Variants in SH3KBP1 observed in about 807,000 individuals in gnomAD.
The protein encoded by SH3KBP1 is SH3 domain containing kinase binding protein 1.
In SH3KBP1, 8 loss-of-function variants were observed where a neutral mutation model predicts 50.1. The ratio of observed to expected loss-of-function variants is 0.16; its 90% CI spans 0.09 to 0.29. SH3KBP1 has a LOEUF of 0.29. Among genes scored for constraint, SH3KBP1 ranks in the 10% least tolerant of loss-of-function variants. The pLI is 1.00. For synonymous variants in SH3KBP1, 227 were observed against 218.6 expected (o/e 1.04, Z -0.34); for missense variants, 377 against 535.2 (o/e 0.70, Z 2.92).
At chrX:19,662,423 A>T (rs1365978562) in intron 6 of SH3KBP1, among the ~76,000 whole-genome samples, 1 of 112,264 alleles carries the variant, frequency 8.9e-6, no homozygotes, top group Non-Finnish European at 1.9e-5. Flanking sequence ...TTTTTCATAT[A>T]TGCTCAAGGA....
chrX:19,858,308 C>G (rs1278422119), intron 1 of SH3KBP1, among the ~76,000 whole-genome samples: 6 of 111,404 alleles, frequency 5.4e-5, no homozygotes, highest in African/African-American at 1.6e-4. Flanking sequence ...TCATATCGCC[C>G]AGACCGTGCT....
intron 3 of SH3KBP1, among the ~76,000 whole-genome samples, chrX:19,730,596 C>T (rs2064348095): frequency 8.9e-6 from 1 of 111,746 alleles, no homozygotes; most frequent in Non-Finnish European, 1.9e-5. Flanking sequence ...TTGTCACCTC[C>T]CTGCTCTAGT....
chrX:19,576,918 G>A (rs1234042079), intron 12 of SH3KBP1, among the ~76,000 whole-genome samples: 1 of 111,469 alleles, frequency 9.0e-6, no homozygotes, highest in Non-Finnish European at 1.9e-5. Flanking sequence ...CTCCAGGGCA[G>A]CCCACACCCC....
intron 6 of SH3KBP1, among the ~76,000 whole-genome samples, chrX:19,680,235 C>T (rs1469323588): frequency 9.1e-6 from 1 of 109,796 alleles, no homozygotes; most frequent in East Asian, 2.9e-4. Flanking sequence ...AAAAATTAAG[C>T]TGGGTGTGGT....
At chrX:19,856,590 A>G (rs1472697568) in intron 1 of SH3KBP1, among the ~76,000 whole-genome samples, 1 of 111,354 alleles carries the variant, frequency 9.0e-6, no homozygotes, top group African/African-American at 3.3e-5. Flanking sequence ...CCTCACACTC[A>G]GTTAAAGTTT....
At chrX:19,635,582 A>G (rs987702331) in intron 7 of SH3KBP1, among the ~76,000 whole-genome samples, 2 of 110,090 alleles carry the variant, frequency 1.8e-5, no homozygotes, top group East Asian at 2.8e-4. Flanking sequence ...CATTGGATGT[A>G]TCAGTGGCTT....
intron 3 of SH3KBP1, among the ~76,000 whole-genome samples, chrX:19,738,266 G>A (rs886247136): frequency 5.4e-5 from 6 of 110,912 alleles, no homozygotes; most frequent in African/African-American, 1.6e-4. Context: ...TTCTCTCCCC[G>A]CTTGTCTGCC....
At chrX:19,544,219 G>T (rs1041889467) in intron 15 of SH3KBP1, among the ~76,000 whole-genome samples, 1 of 111,250 alleles carries the variant, frequency 9.0e-6, no homozygotes, top group African/African-American at 3.3e-5. Flanking sequence ...GCTCTCTGCT[G>T]CCAGGAATAG....
chrX:19,839,131 A>G (rs1217548628), intron 1 of SH3KBP1, among the ~76,000 whole-genome samples: 1 of 109,295 alleles, frequency 9.1e-6, no homozygotes. Context: ...TTTTAAAACT[A>G]TGTACCTGAA....
chrX:19,737,352 G>A (rs985195462), intron 3 of SH3KBP1, among the ~76,000 whole-genome samples: 5 of 111,278 alleles, frequency 4.5e-5, no homozygotes, highest in Non-Finnish European at 7.5e-5. Flanking sequence ...ATGTTCGTTC[G>A]CCTGGGATGT....
intron 13 of SH3KBP1, among the ~76,000 whole-genome samples, chrX:19,556,492 A>T (rs1602459055): frequency 9.0e-6 from 1 of 111,072 alleles, no homozygotes; most frequent in Non-Finnish European, 1.9e-5. Flanking sequence ...TCAAATGAGC[A>T]CCTGTGTTAG....
chrX:19,818,051 T>G (rs2067413487), intron 2 of SH3KBP1, among the ~76,000 whole-genome samples: 1 of 112,323 alleles, frequency 8.9e-6, no homozygotes, highest in Non-Finnish European at 1.9e-5. Context: ...TGGCTAGGTG[T>G]GTAGTAGGCT....
intron 9 of SH3KBP1, among the ~76,000 whole-genome samples, chrX:19,607,339 G>A (rs1194522069): frequency 8.9e-6 from 1 of 112,583 alleles, no homozygotes; most frequent in Admixed American, 9.4e-5. Flanking sequence ...CGTCAGCAGG[G>A]AAAGAATACA....
intron 2 of SH3KBP1, among the ~76,000 whole-genome samples, chrX:19,828,520 G>A (rs984544625): frequency 1.2e-4 from 13 of 110,778 alleles, no homozygotes; most frequent in Middle Eastern, 4.7e-3. Flanking sequence ...GGTGGCCCAC[G>A]CCTGTAATCC....
intron 7 of SH3KBP1, among the ~76,000 whole-genome samples, chrX:19,632,321 CA>C (rs2061597566): frequency 9.0e-6 from 1 of 111,726 alleles, no homozygotes; most frequent in East Asian, 2.8e-4. Context: ...CTACAGAGGG[CA>C]AAAAAACCTT....
chrX:19,543,374 G>A (rs2064991181), intron 15 of SH3KBP1, among the ~76,000 whole-genome samples: 1 of 111,878 alleles, frequency 8.9e-6, no homozygotes, highest in East Asian at 2.8e-4. Context: ...CTTAGTGACT[G>A]GGAAAGAGGG....
chrX:19,597,105 T>A (rs745961957), intron 9 of SH3KBP1, among the ~76,000 whole-genome samples: 1 of 112,053 alleles, frequency 8.9e-6, no homozygotes, highest in African/African-American at 3.2e-5. Flanking sequence ...AGCTATAGAC[T>A]TATAAAATGT....
chrX:19,753,177 G>A (rs1057358330), intron 2 of SH3KBP1, among the ~76,000 whole-genome samples: 3 of 111,538 alleles, frequency 2.7e-5, no homozygotes, highest in African/African-American at 9.8e-5. Context: ...AGTGAGGTTG[G>A]GCAGAGCCCC....
intron 7 of SH3KBP1, among the ~76,000 whole-genome samples, chrX:19,634,093 TGTGA>T (rs1487320385): frequency 1.6e-5 from 1 of 63,504 alleles, no homozygotes; most frequent in Non-Finnish European, 3.0e-5. Flanking sequence ...TGTGTGTGTG[TGTGA>T]CAGAGGGAAA....
Sources: gnomAD v4.1 joint callset for allele counts (sites outside exome capture counted in the v4.1 genomes callset) on GRCh38, gnomAD v4.1.1 for gene constraint, MANE v1.5 for transcripts, NCBI Gene and HGNC (gene_info 2026-07-23, HGNC 2026-07-21) for gene names.